The following PLCL1 variants were observed in gnomAD, a reference collection of about 807,000 sequenced individuals.
The protein encoded by PLCL1 is phospholipase C like 1 (inactive), also known as inactive phospholipase C-like protein 1.
In PLCL1, 41 loss-of-function variants were observed where a neutral mutation model predicts 84.4. That is an observed-to-expected ratio of 0.49 (90% confidence interval 0.38 to 0.63). The LOEUF is 0.63. PLCL1 is among the 30% of genes least tolerant of loss of function. The pLI is 0.00. For synonymous variants in PLCL1, 490 were observed against 488.3 expected (o/e 1.00, Z -0.05); for missense variants, 1,206 against 1,367.8 (o/e 0.88, Z 1.87).
intron 1 of PLCL1, among the ~76,000 whole-genome samples, chr2:197,942,407 T>A (rs1689176799): frequency 6.6e-6 from 1 of 152,174 alleles, no homozygotes; most frequent in South Asian, 2.1e-4. Context: ...CCACCAAACT[T>A]CCAGAAAGAA....
chr2:197,951,460 G>T (rs1401492574), intron 1 of PLCL1, among the ~76,000 whole-genome samples: 1 of 152,068 alleles, frequency 6.6e-6, no homozygotes, highest in Non-Finnish European at 1.5e-5. Flanking sequence ...AAGCGTATTA[G>T]AAAAGAGTCA....
At chr2:198,108,873 T>A (rs1238011306) in intron 5 of PLCL1, among the ~76,000 whole-genome samples, 1 of 151,898 alleles carries the variant, frequency 6.6e-6, no homozygotes, top group Non-Finnish European at 1.5e-5. Flanking sequence ...AGCAGTCAAT[T>A]TGCTCTTCCT....
intron 1 of PLCL1, among the ~76,000 whole-genome samples, chr2:198,047,165 ATGTGTG>A (rs10560234): frequency 0.44 from 66,055 of 148,688 alleles, 14,945 homozygotes; most frequent in Middle Eastern, 0.61. Flanking sequence ...ATGTGTGTGT[ATGTGTG>A]TGTGTGTGTG....
At chr2:197,997,108 C>T (rs1690485904) in intron 1 of PLCL1, among the ~76,000 whole-genome samples, 2 of 152,294 alleles carry the variant, frequency 1.3e-5, no homozygotes, top group Admixed American at 1.3e-4. Context: ...TGTAGCACTA[C>T]TGTGGGGAGG....
chr2:197,868,425 A>G (rs1485416915), intron 1 of PLCL1, among the ~76,000 whole-genome samples: 9 of 152,184 alleles, frequency 5.9e-5, no homozygotes, highest in Non-Finnish European at 1.3e-4. Context: ...TGCAGTACCT[A>G]TTCTTGTGTA....
chr2:197,990,530 G>A (rs1690318906), intron 1 of PLCL1, among the ~76,000 whole-genome samples: 1 of 152,216 alleles, frequency 6.6e-6, no homozygotes. Context: ...GGTGAAGGAG[G>A]AGCAAAGGCA....
At chr2:197,916,243 A>G (rs993981217) in intron 1 of PLCL1, among the ~76,000 whole-genome samples, 2 of 152,206 alleles carry the variant, frequency 1.3e-5, no homozygotes, top group African/African-American at 4.8e-5. Context: ...TGGTGTTTCA[A>G]GTATTTTTAA....
intron 2 of PLCL1, among the ~76,000 whole-genome samples, chr2:198,088,654 G>A (rs1225411053): frequency 6.6e-6 from 1 of 152,218 alleles, no homozygotes; most frequent in Admixed American, 6.5e-5. Context: ...GCTTTGAAAA[G>A]CACTGCATAG....
At chr2:197,880,163 T>A (rs931656525) in intron 1 of PLCL1, among the ~76,000 whole-genome samples, 1 of 152,204 alleles carries the variant, frequency 6.6e-6, no homozygotes, top group African/African-American at 2.4e-5. Flanking sequence ...TAGCATTTTT[T>A]AATATTATAA....
At chr2:198,132,601 G>A (rs1054050130) in intron 5 of PLCL1, among the ~76,000 whole-genome samples, 2 of 152,126 alleles carry the variant, frequency 1.3e-5, no homozygotes, top group Non-Finnish European at 2.9e-5. Context: ...TGGATAGGAA[G>A]GATTAGGGAG....
At position 197,805,058 on chromosome 2, in the gene PLCL1, G is replaced by C; in HGVS notation, c.-42G>C. The C allele has an allele frequency of 1.4e-6, 2 of 1,420,472 alleles. No individual in the cohort carries two copies. The highest frequency in any genetic ancestry group is 1.8e-6 in the Non-Finnish European group (2 of 1,092,786). 88.0% of individuals were successfully genotyped at this position (1,420,472 alleles called of 1,614,324 possible). A position where few individuals can be genotyped will look rare whatever the true frequency, so the allele number is the denominator to read the frequency against. On this transcript the variant is annotated 5_prime_UTR_variant, in exon 1 of 6. Coordinates refer to ENST00000428675, the MANE Select transcript of PLCL1 (RefSeq NM_006226.4). This position sits in a 1 kb window ranked among gnomAD's most constrained non-coding sequence, Gnocchi z 4.0. ...GCCTAGCGGCTGGACTCCGCTGCCG[G>C]GCGTCCCGCTTTCCCCCGGGGAGCC...
chr2:198,050,905 G>A (rs1477405047), intron 1 of PLCL1, among the ~76,000 whole-genome samples: 2 of 152,146 alleles, frequency 1.3e-5, no homozygotes, highest in Non-Finnish European at 2.9e-5. Flanking sequence ...CAGCACCTTC[G>A]TGAGCTGTGT....
At chr2:197,838,212 G>A (rs1317454021) in intron 1 of PLCL1, among the ~76,000 whole-genome samples, 1 of 152,142 alleles carries the variant, frequency 6.6e-6, no homozygotes, top group East Asian at 1.9e-4. Flanking sequence ...TCATCTTTTA[G>A]AGTTTCAGTT....
At chr2:197,806,511 A>C (rs189179466) in intron 1 of PLCL1, among the ~76,000 whole-genome samples, 1 of 152,318 alleles carries the variant, frequency 6.6e-6, no homozygotes, top group East Asian at 1.9e-4. Context: ...GACACATGGA[A>C]GTTTAAAATC....
intron 5 of PLCL1, among the ~76,000 whole-genome samples, chr2:198,131,419 C>A (rs1694115766): frequency 6.6e-6 from 1 of 152,158 alleles, no homozygotes; most frequent in African/African-American, 2.4e-5. Context: ...GAGACAGTCT[C>A]TATTATTGTA....
intron 1 of PLCL1, among the ~76,000 whole-genome samples, chr2:197,975,711 C>A (rs1459245149): frequency 6.6e-6 from 1 of 152,070 alleles, no homozygotes; most frequent in African/African-American, 2.4e-5. Flanking sequence ...GAGGCTGAGG[C>A]AGGAGGATTG....
chr2:197,996,311 C>A (rs765940887), intron 1 of PLCL1, among the ~76,000 whole-genome samples: 2 of 152,030 alleles, frequency 1.3e-5, no homozygotes, highest in Admixed American at 6.6e-5. Flanking sequence ...TGAGGAACAG[C>A]ACAGGGCATT....
At position 197,888,190 on chromosome 2, in the gene PLCL1, T is replaced by G. The variant is rs563821339; in HGVS notation, c.240+82851T>G. Among the ~76,000 whole-genome samples, 11 of 152,342 alleles carry G rather than the reference T, an allele frequency of 7.2e-5. No homozygotes were observed. In the East Asian group the frequency reaches 2.1e-3, roughly 29 times the overall value. On this transcript the variant is annotated intron_variant, in intron 1 of 5. Transcript: ENST00000428675. ...TCAAAGCTATTAGCAATAATTTTTT[T>G]TGTGTGTAAACTCTCTGGTTGTATT...
At chr2:197,988,778 A>C (rs1360879216) in intron 1 of PLCL1, among the ~76,000 whole-genome samples, 1 of 152,154 alleles carries the variant, frequency 6.6e-6, no homozygotes, top group Non-Finnish European at 1.5e-5. Context: ...ATCAATTTTT[A>C]GTTCTTTAAG....
Sources: allele counts gnomAD v4.1 joint callset (sites outside exome capture counted in the v4.1 genomes callset), GRCh38; gene constraint gnomAD v4.1.1; non-coding constraint Gnocchi (gnomAD v3.1); transcripts MANE v1.5; gene names NCBI Gene and HGNC (gene_info 2026-07-23, HGNC 2026-07-21).